Variants in DSC2 observed in about 807,000 individuals in gnomAD.
DSC2 encodes the protein desmocollin 2.
Under a neutral mutation model 87.6 loss-of-function variants are expected in DSC2, and 51 were observed. That is an observed-to-expected ratio of 0.58 (90% CI 0.46 to 0.74). The LOEUF is 0.74. DSC2 is among the 30% of genes least tolerant of loss of function. The pLI is 0.00. For synonymous variants in DSC2, 383 were observed against 393.2 expected, an observed-to-expected ratio of 0.97 and a Z score of 0.31; for missense variants, 1,066 against 1,089.5, an observed-to-expected ratio of 0.98 and a Z score of 0.30.
At chr18:31,072,823 C>T (rs1986877881) in intron 12 of DSC2, among the ~76,000 whole-genome samples, 1 of 152,114 alleles carries the variant, frequency 6.6e-6, no homozygotes, top group African/African-American at 2.4e-5. Flanking sequence ...GGTAAAAACA[C>T]ATTGAATTAA....
At chr18:31,070,672 C>T (rs1051424082) in intron 14 of DSC2, 54 bp downstream of exon 14, 62 of 1,609,156 alleles carry the variant, frequency 3.9e-5, no homozygotes, top group East Asian at 9.0e-5. Flanking sequence ...AGAAGGAATA[C>T]GCATTATAAG....
Position 31,086,603 on chromosome 18 carries a change from G to C in DSC2, c.915C>G (p.Thr305=), listed in dbSNP as rs1429668963. ...FSMHPTTGVI[T]TTSSQLDREL... is the part of the protein sequence containing the mutation. Reference sequence around the variant, plus strand: ...CTCTGTCTAGCTGAGATGATGTTGTGGTGATCACGCCTGTAGTTGGATGCA... The same window carrying C: ...CTCTGTCTAGCTGAGATGATGTTGTCGTGATCACGCCTGTAGTTGGATGCA... The change falls in exon 7 of 16, where the codon ACC becomes ACG. Residue 305 remains threonine (T), a synonymous_variant. Transcript: ENST00000280904. 6.2e-7 allele frequency: 1 copy of C among 1,614,110 alleles called. No individual in the cohort carries two copies. The highest frequency in any genetic ancestry group is 1.7e-5 in the Admixed American group (1 of 60,012).
chr18:31,061,694 T>A lies in DSC2; in HGVS notation c.*6321A>T, dbSNP rs1851604234. The A allele has an allele frequency of 6.6e-6, 1 of 152,242 alleles. No homozygotes were observed. Among genetic ancestry groups the A allele is most frequent in the South Asian group, 2.1e-4 (1 of 4,834 alleles). The allele number at this position is 152,242 out of a possible 1,614,324, so 9.4% of individuals were successfully genotyped here. A position where few individuals can be genotyped will look rare whatever the true frequency, so the allele number is the denominator to read the frequency against. Reference sequence around the variant, plus strand: ...TTTTACCTTAAGACTCTATATTGCATGTCTTATTTGAAATATCTAAAGTTT... The same window carrying A: ...TTTTACCTTAAGACTCTATATTGCAAGTCTTATTTGAAATATCTAAAGTTT... On this transcript the variant is annotated 3_prime_UTR_variant, in exon 16 of 16. Transcript: ENST00000280904.
At position 31,068,097 on chromosome 18, in the gene DSC2, C is replaced by T. The variant is rs535014010; in HGVS notation, c.2624G>A (p.Arg875Gln). The T allele has an allele frequency of 2.2e-5, 36 of 1,614,046 alleles. No individual in the cohort carries two copies. Among genetic ancestry groups the T allele is most frequent in the South Asian group, 1.6e-4 (15 of 91,076 alleles). Residue 875 changes from arginine to glutamine, a missense_variant, in exon 16 of 16, where the codon CGA becomes CAA. Coordinates refer to ENST00000280904, the MANE Select transcript of DSC2 (RefSeq NM_024422.6). ...AAATTCAAGCCCATCTTCTTCTTGT[C>T]GTTCACTGCAACAACCTACAGACCC... ...VAGSVGCCSE[R>Q]QEEDGLEFLD...
intron 1 of DSC2, among the ~76,000 whole-genome samples, chr18:31,094,693 T>C (rs1452969997): frequency 6.6e-6 from 1 of 152,252 alleles, no homozygotes; most frequent in Non-Finnish European, 1.5e-5. Context: ...ATTTTTAATA[T>C]ATATTAAAGA....
At chr18:31,071,569 G>T (rs370282803) in intron 13 of DSC2, 36 bp downstream of exon 13, 1 of 1,575,778 alleles carries the variant, frequency 6.3e-7, no homozygotes, top group Non-Finnish European at 8.7e-7. Flanking sequence ...ACTTTAAAGG[G>T]TATTATTTGA....
intron 9 of DSC2, among the ~76,000 whole-genome samples, chr18:31,081,562 A>C (rs752751850): frequency 4.6e-5 from 7 of 152,218 alleles, no homozygotes; most frequent in Non-Finnish European, 8.8e-5. Flanking sequence ...AAATGGATTC[A>C]TCATTTTTTA....
chr18:31,092,029 A>C, intron 3 of DSC2, 72 bp downstream of exon 3: 1 of 1,481,710 alleles, frequency 6.7e-7, no homozygotes, highest in Admixed American at 1.8e-5. Flanking sequence ...TTCTGATTTC[A>C]TATCTTCCCT....
At chr18:31,086,525 G>C in intron 7 of DSC2, 51 bp downstream of exon 7, 3 of 1,600,428 alleles carry the variant, frequency 1.9e-6, no homozygotes, top group Non-Finnish European at 2.6e-6. Flanking sequence ...AGTTATACAG[G>C]TACTATTGAA....
Position 31,075,007 on chromosome 18 carries a change from T to G in DSC2, c.1664-100A>C, listed in dbSNP as rs542986477. 1.2e-4 allele frequency: 153 copies of G among 1,255,982 alleles called. 1 individual carries two copies. The South Asian group carries it at 1.9e-3, about 15-fold the overall frequency. The allele number at this position is 1,255,982 out of a possible 1,614,324, so 77.8% of individuals were successfully genotyped here. A position where few individuals can be genotyped will look rare whatever the true frequency, so the allele number is the denominator to read the frequency against. ...AAAAATATTTATTAAGCACCTATAA[T>G]GTAGAAGTTACAATGACAAGCAGTC... On this transcript the variant is annotated intron_variant, in intron 11 of 15. Coordinates refer to ENST00000280904, the MANE Select transcript of DSC2 (RefSeq NM_024422.6).
At chr18:31,091,291 T>C (rs1987589522) in intron 3 of DSC2, 144 bp from the exon 4 acceptor site, 1 of 857,000 alleles carries the variant, frequency 1.2e-6, no homozygotes, top group Non-Finnish European at 1.9e-6. Flanking sequence ...AAACTAATCA[T>C]CAACACTGCA....
intron 11 of DSC2, among the ~76,000 whole-genome samples, chr18:31,076,732 G>C (rs1392665710): frequency 1.3e-5 from 2 of 152,182 alleles, no homozygotes; most frequent in Non-Finnish European, 2.9e-5. Context: ...TGGCTTTTCA[G>C]ATTGAAAGTA....
Position 31,092,085 on chromosome 18 carries a change from A to ATG in DSC2, c.354+14_354+15dup. On this transcript the variant is annotated intron_variant, in intron 3 of 15. Coordinates refer to ENST00000280904, the MANE Select transcript of DSC2 (RefSeq NM_024422.6). Reference sequence around the variant, plus strand: ...AAGAAAAGATATCATTTCTTCATTTATGTAGCCTTGTATACCTTTGTTTGA... The same window carrying ATG: ...AAGAAAAGATATCATTTCTTCATTTATGTGTAGCCTTGTATACCTTTGTTTGA... 1.2e-6 allele frequency: 2 copies of ATG among 1,600,610 alleles called. 1 individual carries two copies. The highest frequency in any genetic ancestry group is 2.2e-5 in the South Asian group (2 of 90,048).
In DSC2 at chr18:31,074,745, T is replaced by C; in HGVS notation, c.1826A>G (p.Asp609Gly). ...TGAAGTAGAACTCTCCAGACTAAAG[T>C]CAAAGGGTGGGCCATGGATAGGCTC... ...PDEPIHGPPF[D>G]FSLESSTSEV... Residue 609 changes from aspartate (D) to glycine (G), a missense_variant, in exon 12 of 16, where the codon GAC becomes GGC. By Grantham distance (94) the Asp-to-Gly change is moderately conservative. Transcript: ENST00000280904. 2 of 1,613,964 alleles carry C rather than the reference T, an allele frequency of 1.2e-6. No homozygotes were observed. The highest frequency in any genetic ancestry group is 1.7e-6 in the Non-Finnish European group (2 of 1,179,948).
chr18:31,069,851 C>G (rs1401146037), intron 14 of DSC2, among the ~76,000 whole-genome samples: 1 of 152,090 alleles, frequency 6.6e-6, no homozygotes, highest in Non-Finnish European at 1.5e-5. Context: ...TCCCTTTTAC[C>G]TGACTAAAGC....
intron 1 of DSC2, among the ~76,000 whole-genome samples, chr18:31,099,082 C>T (rs894130619): frequency 6.6e-6 from 1 of 152,188 alleles, no homozygotes; most frequent in African/African-American, 2.4e-5. Context: ...ATAATAAATG[C>T]TGTGTCACAC....
At chr18:31,096,742 A>G (rs1483060723) in intron 1 of DSC2, among the ~76,000 whole-genome samples, 3 of 152,200 alleles carry the variant, frequency 2.0e-5, no homozygotes, top group Non-Finnish European at 4.4e-5. Context: ...CACAAATGGG[A>G]AAACACTAGA....
Position 31,082,248 on chromosome 18 carries a change from C to T in DSC2, c.1253G>A (p.Cys418Tyr), listed in dbSNP as rs1392310981. 1 of 1,613,184 alleles carries T rather than the reference C, an allele frequency of 6.2e-7. No individual in the cohort carries two copies. Among genetic ancestry groups the T allele is most frequent in the East Asian group, 2.2e-5 (1 of 44,792 alleles). ...TDAKTNEGVL[C>Y]VVKPLNYEEK... The stretch of plus-strand genomic sequence containing the variant: ...CTAATTTATTCTTACCTTAACTACA[C>T]AAAGAACTCCTTCATTGGTTTTGGC... Residue 418 changes from cysteine (C) to tyrosine (Y), a missense_variant, in exon 9 of 16, where the codon TGT (cysteine) becomes TAT (tyrosine). Coordinates refer to ENST00000280904, the MANE Select transcript of DSC2 (RefSeq NM_024422.6).
intron 1 of DSC2, among the ~76,000 whole-genome samples, chr18:31,100,544 T>A (rs1192185108): frequency 6.6e-6 from 1 of 152,266 alleles, no homozygotes; most frequent in Admixed American, 6.5e-5. Context: ...GCCCTTTCTA[T>A]GTTATTAATA....
Sources: allele counts gnomAD v4.1 joint callset (sites outside exome capture counted in the v4.1 genomes callset), GRCh38; gene constraint gnomAD v4.1.1; transcripts MANE v1.5; gene names NCBI Gene and HGNC (gene_info 2026-07-23, HGNC 2026-07-21).